MOB4: variants seen among roughly 807,000 people sequenced by gnomAD.
The protein encoded by MOB4 is MOB family member 4, phocein, also known as MOB-like protein phocein.
Under a neutral mutation model 32.2 loss-of-function variants are expected in MOB4, and 4 were observed. The ratio of observed to expected loss-of-function variants is 0.12; its 90% confidence interval spans 0.06 to 0.28. MOB4 has a LOEUF of 0.28. MOB4 is among the 10% of genes least tolerant of loss of function. MOB4 has a pLI of 1.00. For missense variants in MOB4, 158 were observed against 271.2 expected, an observed-to-expected ratio of 0.58 and a Z score of 2.93; for synonymous variants, 88 against 88.1, an observed-to-expected ratio of 1.00 and a Z score of 0.01.
chr2:197,516,328 G>A, intron 1 of MOB4, 182 bp downstream of exon 1: 1 of 1,426,488 alleles, frequency 7.0e-7, no homozygotes, highest in Non-Finnish European at 9.2e-7. Context: ...GGCGGCCGCC[G>A]TGAGGCCTGC....
intron 2 of MOB4, among the ~76,000 whole-genome samples, chr2:197,528,782 AT>A (rs534779271): frequency 6.6e-6 from 1 of 150,578 alleles, no homozygotes; most frequent in African/African-American, 2.4e-5. Flanking sequence ...CCCCCGGCTA[AT>A]TTTTTTGTAT....
At chr2:197,523,822 A>C in intron 2 of MOB4, 136 bp downstream of exon 2, 1 of 720,944 alleles carries the variant, frequency 1.4e-6, no homozygotes, top group Non-Finnish European at 2.1e-6. Context: ...AAAACAAAAC[A>C]AAATAGTTCC....
intron 1 of MOB4, among the ~76,000 whole-genome samples, chr2:197,521,404 C>T (rs1409737081): frequency 6.6e-6 from 1 of 152,152 alleles, no homozygotes; most frequent in Non-Finnish European, 1.5e-5. Flanking sequence ...AGGGCGAGAT[C>T]ACAGGACCAC....
At chr2:197,537,738 T>A (rs1208843390) in intron 3 of MOB4, among the ~76,000 whole-genome samples, 2 of 152,220 alleles carry the variant, frequency 1.3e-5, no homozygotes, top group African/African-American at 4.8e-5. Flanking sequence ...GTACATCCTT[T>A]GCTTTATTTT....
intron 1 of MOB4, among the ~76,000 whole-genome samples, chr2:197,517,757 A>G (rs909049881): frequency 2.0e-5 from 3 of 152,202 alleles, no homozygotes; most frequent in Non-Finnish European, 4.4e-5. Context: ...TATCACATGA[A>G]TTTCGTTTAG....
chr2:197,521,454 G>A (rs2086517453), intron 1 of MOB4, among the ~76,000 whole-genome samples: 1 of 152,168 alleles, frequency 6.6e-6, no homozygotes, highest in South Asian at 2.1e-4. Flanking sequence ...GAAGTTTCGG[G>A]CACCATTGTC....
At chr2:197,527,281 G>A (rs1406035833) in intron 2 of MOB4, among the ~76,000 whole-genome samples, 3 of 151,960 alleles carry the variant, frequency 2.0e-5, no homozygotes, top group East Asian at 1.9e-4. Flanking sequence ...TCATGCACAC[G>A]AGATGTCTTT....
At chr2:197,541,386 G>T (rs950786175) in intron 5 of MOB4, among the ~76,000 whole-genome samples, 1 of 152,084 alleles carries the variant, frequency 6.6e-6, no homozygotes, top group Non-Finnish European at 1.5e-5. Context: ...GGGGATATTG[G>T]GTTAGGCCAA....
intron 1 of MOB4, chr2:197,516,626 A>G (rs776546299): frequency 1.7e-5 from 8 of 472,604 alleles, no homozygotes; most frequent in South Asian, 1.2e-4. Context: ...CCTGCCATCC[A>G]GCTTGTCTAG....
chr2:197,538,068 A>G (rs1008406867), intron 3 of MOB4, among the ~76,000 whole-genome samples: 51 of 151,280 alleles, frequency 3.4e-4, no homozygotes, highest in African/African-American at 1.2e-3. Context: ...GTGTGCCACC[A>G]CACTTGGCCG....
chr2:197,543,453 A>G (rs1408528556), intron 5 of MOB4, among the ~76,000 whole-genome samples: 1 of 152,144 alleles, frequency 6.6e-6, no homozygotes, highest in Non-Finnish European at 1.5e-5. Flanking sequence ...TAAGGGAAAA[A>G]AAAAAACCAC....
chr2:197,532,305 A>C (rs1374492662), intron 2 of MOB4, among the ~76,000 whole-genome samples: 1 of 152,230 alleles, frequency 6.6e-6, no homozygotes, highest in Non-Finnish European at 1.5e-5. Flanking sequence ...TTCAAGATTG[A>C]CAGCTTGTAA....
intron 5 of MOB4, among the ~76,000 whole-genome samples, chr2:197,545,200 CAGT>C (rs1439610079): frequency 1.3e-5 from 2 of 152,170 alleles, no homozygotes; most frequent in East Asian, 1.9e-4. Flanking sequence ...AGCCATCTCT[CAGT>C]AGCCTCAGAG....
At position 197,516,074 on chromosome 2, in the gene MOB4, A is replaced by G. The variant is rs969797402; in HGVS notation, c.-13A>G. 18 of 1,585,638 alleles carry G rather than the reference A, an allele frequency of 1.1e-5. No individual in the cohort carries two copies. The highest frequency in any genetic ancestry group is 1.8e-5 in the Admixed American group (1 of 54,808). ...ATCCGGGTACCGACTCCAGCCGCCT[A>G]GACGCTGGCACTATGGTCATGGCGG... On this transcript the variant is annotated 5_prime_UTR_variant, in exon 1 of 8. Transcript: ENST00000323303.
chr2:197,549,097 G>A (rs1466474459), intron 6 of MOB4, among the ~76,000 whole-genome samples: 3 of 152,064 alleles, frequency 2.0e-5, no homozygotes, highest in African/African-American at 7.2e-5. Flanking sequence ...GCATGGTGAC[G>A]AGTACCTGTA....
intron 5 of MOB4, 122 bp from the exon 6 acceptor site, chr2:197,548,214 G>C: frequency 1.6e-6 from 1 of 644,736 alleles, no homozygotes; most frequent in Non-Finnish European, 2.3e-6. Flanking sequence ...TTCGGAAATT[G>C]TAAGGAACTT....
chr2:197,534,647 A>G (rs1024597693), intron 2 of MOB4, among the ~76,000 whole-genome samples: 1 of 152,120 alleles, frequency 6.6e-6, no homozygotes, highest in Admixed American at 6.6e-5. Context: ...GGTCCAAGCG[A>G]TTCTCTTGCC....
At chr2:197,521,358 C>T (rs1390919299) in intron 1 of MOB4, among the ~76,000 whole-genome samples, 1 of 152,112 alleles carries the variant, frequency 6.6e-6, no homozygotes, top group African/African-American at 2.4e-5. Context: ...TCACGTACTT[C>T]ACAAGGTAAT....
chr2:197,518,653 C>T (rs1367865801), intron 1 of MOB4, among the ~76,000 whole-genome samples: 2 of 151,784 alleles, frequency 1.3e-5, no homozygotes, highest in African/African-American at 4.8e-5. Flanking sequence ...GTCGCTGCCT[C>T]CCAAGTTCAA....
Sources: allele counts gnomAD v4.1 joint callset (sites outside exome capture counted in the v4.1 genomes callset), GRCh38; gene constraint gnomAD v4.1.1; transcripts MANE v1.5; gene names NCBI Gene and HGNC (gene_info 2026-07-23, HGNC 2026-07-21).